The following NAP1L4 variants were observed in gnomAD, a reference collection of about 807,000 sequenced individuals.
NAP1L4 encodes nucleosome assembly protein 1-like 4.
NAP1L4 carries 15 observed loss-of-function variants against 58.2 expected under a neutral mutation model. That is an observed-to-expected ratio of 0.26 (90% CI 0.17 to 0.40). NAP1L4 has a LOEUF of 0.40. NAP1L4 is among the 10% of genes least tolerant of loss of function. The pLI, the probability that NAP1L4 is intolerant of heterozygous loss-of-function variation, is 1.00. For missense variants in NAP1L4, 384 were observed against 451.1 expected (o/e 0.85, Z 1.35); for synonymous variants, 171 against 155.6 (o/e 1.10, Z -0.74).
At chr11:2,960,692 C>CA (rs1846840433) in intron 8 of NAP1L4, among the ~76,000 whole-genome samples, 1 of 151,898 alleles carries the variant, frequency 6.6e-6, no homozygotes, top group Non-Finnish European at 1.5e-5. Flanking sequence ...GACAATTTGG[C>CA]AATATCAAAA....
intron 7 of NAP1L4, among the ~76,000 whole-genome samples, chr11:2,968,455 C>T (rs996961534): frequency 6.6e-6 from 1 of 152,100 alleles, no homozygotes; most frequent in African/African-American, 2.4e-5. Context: ...GAAAAGGAAG[C>T]TCAGATCAGG....
chr11:2,979,564 G>T (rs1848179508), intron 1 of NAP1L4, among the ~76,000 whole-genome samples: 1 of 152,156 alleles, frequency 6.6e-6, no homozygotes, highest in African/African-American at 2.4e-5. Flanking sequence ...CTTGAGCTCA[G>T]GAGTTCGAGA....
chr11:2,960,722 T>C (rs1247535205), intron 8 of NAP1L4, among the ~76,000 whole-genome samples: 2 of 152,220 alleles, frequency 1.3e-5, no homozygotes, highest in African/African-American at 4.8e-5. Flanking sequence ...TTAAAAGGCA[T>C]ATTCCCTGAC....
chr11:2,966,168 A>AT (rs1308572728), intron 7 of NAP1L4, among the ~76,000 whole-genome samples: 2 of 152,078 alleles, frequency 1.3e-5, no homozygotes, highest in African/African-American at 4.8e-5. Context: ...TTCTTAAATC[A>AT]TTTTTTCTCT....
intron 1 of NAP1L4, chr11:2,989,815 C>A (rs1042880785): frequency 3.9e-5 from 6 of 152,184 alleles, no homozygotes; most frequent in African/African-American, 1.4e-4. Context: ...TGAACACATC[C>A]CATCCGCAGG....
In NAP1L4 at chr11:2,981,418, C is replaced by CCAAAAAAAAAAAAAAAAAAAAAAAAAAAA. The variant is rs1564990154; in HGVS notation, c.-17-2182_-17-2181insTTTTTTTTTTTTTTTTTTTTTTTTTTTTG. ...GGACAACAGAGCAAGTACCCTGTCTCAAAAAAAAAAAAAAAAAAAAAAAAA... is the reference window on the plus strand; with the variant it reads ...GGACAACAGAGCAAGTACCCTGTCTCCAAAAAAAAAAAAAAAAAAAAAAAAAAAAAAAAAAAAAAAAAAAAAAAAAAAAA... On this transcript the variant is annotated intron_variant, in intron 1 of 15. Transcript: ENST00000380542. Among the ~76,000 whole-genome samples the CCAAAAAAAAAAAAAAAAAAAAAAAAAAAA allele has an allele frequency of 4.8e-5, 2 of 41,276 alleles. 1 individual carries two copies. Among genetic ancestry groups the CCAAAAAAAAAAAAAAAAAAAAAAAAAAAA allele is most frequent in the Non-Finnish European group, 1.0e-4 (2 of 19,358 alleles). 27.1% of individuals were successfully genotyped at this position (41,276 alleles called of 152,430 possible). A position where few individuals can be genotyped will look rare whatever the true frequency, so the allele number is the denominator to read the frequency against.
chr11:2,988,208 T>A (rs7127415), intron 1 of NAP1L4: 1 of 152,230 alleles, frequency 6.6e-6, no homozygotes, highest in African/African-American at 2.4e-5. Context: ...CAGCAGTCTT[T>A]ACTGCTGCAC....
intron 1 of NAP1L4, among the ~76,000 whole-genome samples, chr11:2,984,108 A>G (rs906761410): frequency 4.8e-5 from 7 of 146,692 alleles, no homozygotes; most frequent in Non-Finnish European, 1.0e-4. Flanking sequence ...TGGCGGCTGC[A>G]GTGAGCTATC....
chr11:2,979,295 A>G, intron 1 of NAP1L4, 58 bp from the exon 2 acceptor site: 1 of 1,440,408 alleles, frequency 6.9e-7, no homozygotes, highest in South Asian at 1.2e-5. Flanking sequence ...TTTGTTCAAT[A>G]TACTTTTTAA....
intron 6 of NAP1L4, among the ~76,000 whole-genome samples, 172 bp from the exon 7 acceptor site, chr11:2,970,106 T>C (rs1198235649): frequency 6.6e-6 from 1 of 152,208 alleles, no homozygotes; most frequent in African/African-American, 2.4e-5. Context: ...CAGATGCTTC[T>C]GAGGAAAAAG....
intron 15 of NAP1L4, among the ~76,000 whole-genome samples, chr11:2,947,285 T>A (rs779399650): frequency 6.6e-6 from 1 of 152,206 alleles, no homozygotes; most frequent in African/African-American, 2.4e-5. Context: ...ACCACGAGAA[T>A]GTAGTATTCA....
intron 8 of NAP1L4, among the ~76,000 whole-genome samples, chr11:2,964,073 G>A (rs765202549): frequency 3.9e-5 from 6 of 151,996 alleles, no homozygotes; most frequent in East Asian, 1.9e-4. Flanking sequence ...TTGTAAAGAC[G>A]TGTTTCAGGA....
At chr11:2,960,013 C>A in intron 8 of NAP1L4, 104 bp from the exon 9 acceptor site, 6 of 1,197,520 alleles carry the variant, frequency 5.0e-6, no homozygotes, top group African/African-American at 1.5e-5. Context: ...TGGGAAAGCT[C>A]AACAGATAGG....
At chr11:2,982,231 T>C (rs1324529568) in intron 1 of NAP1L4, among the ~76,000 whole-genome samples, 3 of 152,206 alleles carry the variant, frequency 2.0e-5, no homozygotes, top group Non-Finnish European at 2.9e-5. Context: ...AGAGCATGAA[T>C]GGATTCTGAT....
rs574449874 is a variant in NAP1L4, at chr11:2,946,106, G to A, written c.*33-460C>T. Reference sequence around the variant, plus strand: ...CTGTCTGGGGGTAGGCTGGGCCCTTGGCGCTCATGGAAAGCACATCTCTCC... The same window carrying A: ...CTGTCTGGGGGTAGGCTGGGCCCTTAGCGCTCATGGAAAGCACATCTCTCC... On this transcript the variant is annotated intron_variant, in intron 15 of 15. Transcript: ENST00000380542. This position sits in a 1 kb window ranked among gnomAD's most constrained non-coding sequence, Gnocchi z 4.8. 1.3e-5 allele frequency among the ~76,000 whole-genome samples: 2 copies of A among 152,244 alleles called. No individual in the cohort carries two copies. The highest frequency in any genetic ancestry group is 4.8e-5 in the African/African-American group (2 of 41,526).
intron 1 of NAP1L4, among the ~76,000 whole-genome samples, chr11:2,982,466 C>G (rs1028335183): frequency 1.3e-5 from 2 of 152,228 alleles, no homozygotes; most frequent in African/African-American, 4.8e-5. Context: ...AAGACACATA[C>G]TTCATTTCCA....
chr11:2,963,712 C>G (rs1405429655), intron 8 of NAP1L4: 1 of 516,978 alleles, frequency 1.9e-6, no homozygotes, highest in East Asian at 5.4e-5. Flanking sequence ...TGACTGGCCC[C>G]AGGCCCCTAC....
Position 2,954,381 on chromosome 11 carries a change from C to G in NAP1L4, c.1035+146G>C, listed in dbSNP as rs1341949729. 1 of 1,183,812 alleles carries G rather than the reference C, an allele frequency of 8.4e-7. No homozygotes were observed. The highest frequency in any genetic ancestry group is 1.5e-5 in the African/African-American group (1 of 65,868). 73.3% of individuals were successfully genotyped at this position (1,183,812 alleles called of 1,614,324 possible). A position where few individuals can be genotyped will look rare whatever the true frequency, so the allele number is the denominator to read the frequency against. On this transcript the variant is annotated intron_variant, in intron 12 of 15. Coordinates refer to ENST00000380542, the MANE Select transcript of NAP1L4 (RefSeq NM_005969.4). The surrounding 1 kb of genome is among the most constrained non-coding windows in gnomAD (Gnocchi z 4.8). Reference sequence around the variant, plus strand: ...CTCTTCAAGCGTATTCCCCCCACAACAAGGACAGCAGCTTGGACTACATAT... The same window carrying G: ...CTCTTCAAGCGTATTCCCCCCACAAGAAGGACAGCAGCTTGGACTACATAT...
chr11:2,958,117 A>T (rs973765851), intron 10 of NAP1L4: 1 of 606,436 alleles, frequency 1.6e-6, no homozygotes, highest in Non-Finnish European at 3.1e-6. Flanking sequence ...TTTTCTTAAA[A>T]CAGAACTGCA....
Sources: gnomAD v4.1 joint callset for allele counts (sites outside exome capture counted in the v4.1 genomes callset) on GRCh38, gnomAD v4.1.1 for gene constraint, Gnocchi (gnomAD v3.1) non-coding constraint, MANE v1.5 for transcripts, NCBI Gene and HGNC (gene_info 2026-07-23, HGNC 2026-07-21) for gene names.